The following TYMS variants were observed in gnomAD, a reference collection of about 807,000 sequenced individuals.
TYMS encodes thymidylate synthetase.
A neutral mutation model predicts 39.3 loss-of-function variants in TYMS; 21 were observed. That is an observed-to-expected ratio of 0.54 (90% CI 0.38 to 0.77). The LOEUF is 0.77. TYMS is among the 30% of genes least tolerant of loss of function. The probability of loss-of-function intolerance (pLI) is 0.00; values close to 1 mark genes in which losing one functional copy is unlikely to be tolerated. For missense variants in TYMS, 273 were observed against 406.7 expected, an observed-to-expected ratio of 0.67 and a Z score of 2.83; for synonymous variants, 171 against 162.2, an observed-to-expected ratio of 1.05 and a Z score of -0.41.
At chr18:667,683 G>A (rs936024270) in intron 3 of TYMS, 5 of 152,150 alleles carry the variant, frequency 3.3e-5, no homozygotes, top group Admixed American at 1.3e-4. Context: ...CACAAAAATG[G>A]CAAGTTTAAT....
At chr18:670,344 A>G (rs1310258446) in intron 4 of TYMS, 1 of 192,740 alleles carries the variant, frequency 5.2e-6, no homozygotes, top group Admixed American at 5.5e-5. Flanking sequence ...AGAGACTTTT[A>G]ATATAGGAGG....
At chr18:669,807 G>C (rs916060045) in intron 4 of TYMS, among the ~76,000 whole-genome samples, 3 of 151,916 alleles carry the variant, frequency 2.0e-5, no homozygotes, top group Non-Finnish European at 4.4e-5. Context: ...AACTCTACCA[G>C]GGTGTAGAGC....
intron 1 of TYMS, 111 bp from the exon 2 acceptor site, chr18:659,529 CT>C: frequency 2.2e-6 from 2 of 894,226 alleles, no homozygotes; most frequent in South Asian, 1.4e-5. Context: ...GGAGTCTAGG[CT>C]TTCTGGATGC....
intron 3 of TYMS, among the ~76,000 whole-genome samples, chr18:668,524 C>A (rs1051391759): frequency 4.6e-5 from 7 of 152,110 alleles, no homozygotes; most frequent in Admixed American, 2.6e-4. Flanking sequence ...GTGTGTTGAG[C>A]TGCTAAACTC....
chr18:667,881 C>G (rs1410596659), intron 3 of TYMS: 1 of 151,582 alleles, frequency 6.6e-6, no homozygotes, highest in Admixed American at 6.6e-5. Context: ...GCTTAAAAGG[C>G]CTAATAAAAT....
chr18:670,562 C>A, intron 4 of TYMS, 130 bp from the exon 5 acceptor site: 2 of 941,120 alleles, frequency 2.1e-6, no homozygotes, highest in Non-Finnish European at 3.2e-6. Context: ...GACATCACTG[C>A]AGCCCAGTGG....
chr18:670,139 G>C (rs1262809458), intron 4 of TYMS, among the ~76,000 whole-genome samples: 1 of 151,292 alleles, frequency 6.6e-6, no homozygotes, highest in African/African-American at 2.4e-5. Flanking sequence ...CATCTCCCAG[G>C]TTCAAGTGAG....
chr18:658,160 C>T lies in TYMS; in HGVS notation c.205+213C>T, dbSNP rs1320038212. 1.3e-6 allele frequency: 2 copies of T among 1,578,472 alleles called. No homozygotes were observed. The highest frequency in any genetic ancestry group is 1.1e-5 in the South Asian group (1 of 87,036). On this transcript the variant is annotated intron_variant, in intron 1 of 6. Transcript: ENST00000323274. This position sits in a 1 kb window ranked among gnomAD's most constrained non-coding sequence, Gnocchi z 4.5. Reference sequence around the variant, plus strand: ...GCGCGGGCAACACACACAGCAGCGACAGCCGGGAGGTAAGCCGCGTCCCAG... The same window carrying T: ...GCGCGGGCAACACACACAGCAGCGATAGCCGGGAGGTAAGCCGCGTCCCAG...
intron 4 of TYMS, among the ~76,000 whole-genome samples, chr18:670,060 T>C (rs371469988): frequency 1.6e-5 from 2 of 127,674 alleles, no homozygotes; most frequent in Admixed American, 7.8e-5. Context: ...TTTTTTTTTT[T>C]TGAGACACAG....
intron 2 of TYMS, among the ~76,000 whole-genome samples, chr18:661,759 G>A (rs919748903): frequency 6.6e-6 from 1 of 152,238 alleles, no homozygotes; most frequent in Non-Finnish European, 1.5e-5. Flanking sequence ...GCCGAAGTGG[G>A]CGGATCACCT....
At chr18:669,366 A>ATT (rs68090938) in intron 4 of TYMS, 193 bp downstream of exon 4, 6,079 of 191,524 alleles carry the variant, frequency 0.032, 354 homozygotes, top group African/African-American at 0.14. Context: ...GGCCCAGAGG[A>ATT]TTTTTTTTTT....
intron 6 of TYMS, chr18:671,709 A>G: frequency 2.0e-6 from 1 of 501,880 alleles, no homozygotes; most frequent in Admixed American, 3.9e-5. Flanking sequence ...CATTCAAGCC[A>G]GGGGATTGTC....
intron 4 of TYMS, among the ~76,000 whole-genome samples, chr18:669,753 G>A (rs1034654133): frequency 7.4e-5 from 11 of 148,720 alleles, no homozygotes; most frequent in African/African-American, 2.5e-4. Context: ...GTTCCAGCTC[G>A]CTGCCACCTC....
intron 4 of TYMS, chr18:670,396 T>C (rs1182668843): frequency 3.3e-6 from 1 of 301,970 alleles, no homozygotes; most frequent in Non-Finnish European, 6.2e-6. Context: ...ACAGAATTAT[T>C]CCTGCTGTAT....
intron 1 of TYMS, 35 bp from the exon 2 acceptor site, chr18:659,606 C>CT (rs746217516): frequency 6.3e-7 from 1 of 1,578,396 alleles, no homozygotes; most frequent in East Asian, 2.2e-5. Flanking sequence ...GATCTGTCTT[C>CT]CCATCTTGAA....
In TYMS at chr18:660,311, C is replaced by T. The variant is rs1229930164; in HGVS notation, c.279+597C>T. On this transcript the variant is annotated intron_variant, in intron 2 of 6. Coordinates refer to ENST00000323274, the MANE Select transcript of TYMS (RefSeq NM_001071.4). This position sits in a 1 kb window ranked among gnomAD's most constrained non-coding sequence, Gnocchi z 4.6. ...GGCTTCTTCCTTTGAGTCTCTACTC[C>T]ACTCGGGCAAGCCTTCCTAGACCTC... is the stretch of plus-strand genomic sequence containing the variant. 6.6e-6 allele frequency among the ~76,000 whole-genome samples: 1 copy of T among 152,196 alleles called. No homozygotes were observed. Among genetic ancestry groups the T allele is most frequent in the African/African-American group, 2.4e-5 (1 of 41,466 alleles).
rs2144363611 is a variant in TYMS, at chr18:670,771, G to A, written c.636G>A (p.Leu212=). The A allele has an allele frequency of 6.2e-7, 1 of 1,614,124 alleles. No individual in the cohort carries two copies. The highest frequency in any genetic ancestry group is 8.5e-7 in the Non-Finnish European group (1 of 1,180,028). The change falls in exon 5 of 7, where the codon CTG becomes CTA. Residue 212 remains leucine (L), a synonymous_variant. Transcript: ENST00000323274. The part of the protein sequence containing the change: ...YVVNSELSCQ[L]YQRSGDMGLG... ...TGAACAGTGAGCTGTCCTGCCAGCT[G>A]TACCAGAGATCGGGAGACATGGGCC...
chr18:662,412 C>A (rs2074765458), intron 3 of TYMS, 92 bp downstream of exon 3: 5 of 1,209,406 alleles, frequency 4.1e-6, no homozygotes, highest in Non-Finnish European at 5.7e-6. Context: ...GGGGATGAGT[C>A]AATGTCACAG....
rs538469385 is a variant in TYMS, at chr18:657,697, T to TCCCCCG, written c.-43_-42insCCGCCC. The TCCCCCG allele has an allele frequency of 2.0e-3, 2,513 of 1,267,564 alleles. 22 individuals carry two copies. Among genetic ancestry groups the TCCCCCG allele is most frequent in the Admixed American group, 7.4e-3 (183 of 24,626 alleles). The allele number at this position is 1,267,564 out of a possible 1,614,324, so 78.5% of individuals were successfully genotyped here. A position where few individuals can be genotyped will look rare whatever the true frequency, so the allele number is the denominator to read the frequency against. ...CGCCGCGCCACTTGGCCTGCCTCCG[T>TCCCCCG]CCCGCCGCGCCACTTCGCCTGCCTC... is the stretch of plus-strand genomic sequence containing the variant. On this transcript the variant is annotated 5_prime_UTR_variant, in exon 1 of 7. Transcript: ENST00000323274.
Sources: allele counts gnomAD v4.1 joint callset (sites outside exome capture counted in the v4.1 genomes callset), GRCh38; gene constraint gnomAD v4.1.1; non-coding constraint Gnocchi (gnomAD v3.1); transcripts MANE v1.5; gene names NCBI Gene and HGNC (gene_info 2026-07-23, HGNC 2026-07-21).